The following GRIP1 variants were observed in gnomAD, a reference collection of about 807,000 sequenced individuals.
GRIP1 encodes the protein glutamate receptor-interacting protein 1.
In GRIP1, 45 loss-of-function variants were observed where a neutral mutation model predicts 129.9. The ratio of observed to expected loss-of-function variants is 0.35; its 90% confidence interval spans 0.27 to 0.44. The LOEUF is 0.44. Ranked by LOEUF, GRIP1 falls within the 20% of genes least tolerant of loss-of-function variation. The pLI is 1.00. For missense variants in GRIP1, 1,196 were observed against 1,396.8 expected, an observed-to-expected ratio of 0.86 and a Z score of 2.29; for synonymous variants, 530 against 520.8, an observed-to-expected ratio of 1.02 and a Z score of -0.24.
At chr12:66,779,075 C>T (rs866425075) in intron 1 of GRIP1, among the ~76,000 whole-genome samples, 59 of 152,212 alleles carry the variant, frequency 3.9e-4, no homozygotes, top group African/African-American at 1.2e-3. Context: ...ATCAGAAAAC[C>T]GGCTCAATAA....
At chr12:66,942,630 G>A (rs1256996808) in intron 1 of GRIP1, among the ~76,000 whole-genome samples, 3 of 152,190 alleles carry the variant, frequency 2.0e-5, no homozygotes, top group Admixed American at 2.0e-4. Flanking sequence ...TTCAGAATAA[G>A]CAGTGTGTGC....
chr12:66,711,527 T>C (rs2035712329), intron 1 of GRIP1, among the ~76,000 whole-genome samples: 1 of 151,868 alleles, frequency 6.6e-6, no homozygotes, highest in East Asian at 1.9e-4. Context: ...AAGCAAAATT[T>C]ACTGTGCTCT....
At position 66,578,500 on chromosome 12, in the gene GRIP1, T is replaced by G. The variant is rs566013414; in HGVS notation, c.136+18347A>C. Among the ~76,000 whole-genome samples the G allele has an allele frequency of 3.4e-3, 513 of 152,270 alleles. 1 individual carries two copies. Among genetic ancestry groups the G allele is most frequent in the African/African-American group, 0.012 (497 of 41,566 alleles). The stretch of plus-strand genomic sequence containing the variant: ...CAAGGGGTCAGGGAGTTCCCTTTCC[T>G]AGTCAAAGAAACGGGTGACAGAGGG... On this transcript the variant is annotated intron_variant, in intron 2 of 24. Transcript: ENST00000359742.
chr12:66,845,984 T>A (rs1057200317), intron 1 of GRIP1, among the ~76,000 whole-genome samples: 1 of 152,152 alleles, frequency 6.6e-6, no homozygotes, highest in Non-Finnish European at 1.5e-5. Context: ...TTCATCATTG[T>A]CCAAATTTGC....
chr12:66,462,958 A>C lies in GRIP1; in HGVS notation c.1008T>G (p.His336Gln). 6.2e-7 allele frequency: 1 copy of C among 1,614,086 alleles called. No individual in the cohort carries two copies. The highest frequency in any genetic ancestry group is 1.7e-5 in the Admixed American group (1 of 60,002). Residue 336 changes from histidine (H) to glutamine (Q), a missense_variant, in exon 9 of 25, where the codon CAT becomes CAG. His to Gln is a conservative substitution (Grantham distance 24). This residue lies in a region of GRIP1 where 508 missense variants were observed against 587.0 expected (regional missense o/e 0.87). Coordinates refer to ENST00000359742, the MANE Select transcript of GRIP1 (RefSeq NM_001366722.1). The stretch of plus-strand genomic sequence containing the variant: ...GCCCCTTTAGGGCCAGCCGGGTCTG[A>C]TGATGGGGAAGGATCTCAAGCTTGA... ...DQVKLEILPH[H>Q]QTRLALKGPD... is the part of the protein sequence containing the mutation.
At chr12:66,360,400 A>G (rs2054698528) in intron 23 of GRIP1, among the ~76,000 whole-genome samples, 1 of 152,120 alleles carries the variant, frequency 6.6e-6, no homozygotes, top group African/African-American at 2.4e-5. Flanking sequence ...TAGCCTGTGT[A>G]AAGCAAAATT....
At chr12:66,650,147 T>G (rs983984032) in intron 1 of GRIP1, among the ~76,000 whole-genome samples, 1 of 152,198 alleles carries the variant, frequency 6.6e-6, no homozygotes, top group South Asian at 2.1e-4. Context: ...TAGCTCCACA[T>G]CCAAGGGAGG....
chr12:67,057,724 G>A (rs2043462522), intron 1 of GRIP1, among the ~76,000 whole-genome samples: 1 of 152,190 alleles, frequency 6.6e-6, no homozygotes, highest in Non-Finnish European at 1.5e-5. Context: ...AAAGCCAGAT[G>A]AGGCGCTTTC....
chr12:66,803,750 A>G (rs1050946207), intron 1 of GRIP1, among the ~76,000 whole-genome samples: 25 of 152,216 alleles, frequency 1.6e-4, no homozygotes, highest in Admixed American at 1.5e-3. Flanking sequence ...AACAGAGCAT[A>G]TTCTGGCCAC....
intron 14 of GRIP1, among the ~76,000 whole-genome samples, chr12:66,426,787 T>G (rs1805804191): frequency 6.6e-6 from 1 of 152,212 alleles, no homozygotes. Flanking sequence ...TGAATTTTCC[T>G]ACCACTTGAA....
chr12:66,989,891 A>G (rs1048037718), intron 1 of GRIP1, among the ~76,000 whole-genome samples: 1 of 152,212 alleles, frequency 6.6e-6, no homozygotes, highest in African/African-American at 2.4e-5. Flanking sequence ...CAGGGAAGAA[A>G]AGTGTAAATG....
At chr12:66,380,153 A>G (rs927819679) in intron 19 of GRIP1, among the ~76,000 whole-genome samples, 1 of 151,882 alleles carries the variant, frequency 6.6e-6, no homozygotes, top group Non-Finnish European at 1.5e-5. Flanking sequence ...CAGGTGATCC[A>G]CCCACCTCGG....
chr12:66,782,701 C>T (rs1225727566), intron 1 of GRIP1, among the ~76,000 whole-genome samples: 2 of 152,154 alleles, frequency 1.3e-5, no homozygotes, highest in Non-Finnish European at 2.9e-5. Context: ...GGGATCAGAA[C>T]CCAGTACTCT....
At chr12:66,384,829 G>A (rs2056282182) in intron 19 of GRIP1, among the ~76,000 whole-genome samples, 1 of 152,206 alleles carries the variant, frequency 6.6e-6, no homozygotes. Context: ...TTGCTTAAAT[G>A]CCATCACTTA....
intron 1 of GRIP1, among the ~76,000 whole-genome samples, chr12:66,711,784 T>C (rs534505250): frequency 1.3e-5 from 2 of 151,940 alleles, no homozygotes; most frequent in Non-Finnish European, 2.9e-5. Context: ...CACAATTAGA[T>C]CTCCATGAGA....
intron 1 of GRIP1, among the ~76,000 whole-genome samples, chr12:66,802,278 T>C (rs1035748724): frequency 6.6e-6 from 1 of 152,144 alleles, no homozygotes; most frequent in African/African-American, 2.4e-5. Context: ...AGTTATATAT[T>C]ACATAATGGG....
intron 1 of GRIP1, among the ~76,000 whole-genome samples, chr12:67,059,023 T>C (rs558555354): frequency 3.3e-5 from 5 of 152,312 alleles, no homozygotes; most frequent in South Asian, 2.1e-4. Context: ...TTAGAGAACA[T>C]TGTGGCCAAT....
chr12:66,448,442 T>C (rs1437392247), intron 11 of GRIP1, among the ~76,000 whole-genome samples: 1 of 152,222 alleles, frequency 6.6e-6, no homozygotes, highest in East Asian at 1.9e-4. Context: ...ATTTGAATTA[T>C]TCTAATGTAC....
chr12:66,677,989 G>T (rs1565961576), intron 1 of GRIP1, among the ~76,000 whole-genome samples: 2 of 151,486 alleles, frequency 1.3e-5, no homozygotes, highest in African/African-American at 4.8e-5. Context: ...TCAGAATGAA[G>T]TTTTTTTTTA....
Sources: gnomAD v4.1 joint callset for allele counts (sites outside exome capture counted in the v4.1 genomes callset) on GRCh38, gnomAD v4.1.1 for gene constraint, gnomAD v4.1.1 regional missense constraint, MANE v1.5 for transcripts, NCBI Gene and HGNC (gene_info 2026-07-23, HGNC 2026-07-21) for gene names.